KLF8: variants seen among roughly 807,000 people sequenced by gnomAD.
The protein encoded by KLF8 is KLF transcription factor 8.
A neutral mutation model predicts 18.2 loss-of-function variants in KLF8; 10 were observed. That is an observed-to-expected ratio of 0.55 (90% CI 0.34 to 0.93). The LOEUF (loss-of-function observed/expected upper bound fraction) is 0.93, where lower values mean the gene tolerates loss of function less well. Ranked by LOEUF, KLF8 falls within the 40% of genes least tolerant of loss-of-function variation. The pLI, the probability that KLF8 is intolerant of heterozygous loss-of-function variation, is 0.02. For synonymous variants in KLF8, 109 were observed against 97.3 expected (o/e 1.12, Z -0.71); for missense variants, 264 against 277.9 (o/e 0.95, Z 0.36).
At chrX:56,160,014 A>T in the KLF8 span, among the ~76,000 whole-genome samples, 2 of 111,452 alleles carry the variant, frequency 1.8e-5, no homozygotes, top group Non-Finnish European at 3.8e-5. Context: ...CTGCTTTCTA[A>T]TGTGGGCATT....
chrX:56,104,262 T>C, the KLF8 span, among the ~76,000 whole-genome samples: 1 of 111,798 alleles, frequency 8.9e-6, no homozygotes, highest in Non-Finnish European at 1.9e-5. Context: ...CTTTTTCTAT[T>C]GATTGGAATA....
At chrX:56,170,057 G>A in the KLF8 span, among the ~76,000 whole-genome samples, 1 of 110,718 alleles carries the variant, frequency 9.0e-6, no homozygotes, top group Non-Finnish European at 1.9e-5. Context: ...GTAATCAATA[G>A]AATTTTTCTG....
At chrX:56,238,946 G>A (rs1256532357) in intron 1 of KLF8, among the ~76,000 whole-genome samples, 1 of 111,662 alleles carries the variant, frequency 9.0e-6, no homozygotes, top group Non-Finnish European at 1.9e-5. Context: ...GTTTAGGTGG[G>A]ACCCTTGCCT....
the KLF8 span, among the ~76,000 whole-genome samples, chrX:56,185,752 G>A: frequency 3.6e-5 from 4 of 111,653 alleles, no homozygotes; most frequent in South Asian, 1.5e-3. Flanking sequence ...TTTCAACCCA[G>A]AATTTCATAT....
the KLF8 span, among the ~76,000 whole-genome samples, chrX:56,151,668 A>G: frequency 9.0e-6 from 1 of 111,122 alleles, no homozygotes; most frequent in East Asian, 2.8e-4. Context: ...TTCAATTTTG[A>G]ACCAGTTCAG....
the KLF8 span, among the ~76,000 whole-genome samples, chrX:56,189,375 T>C: frequency 9.0e-6 from 1 of 111,286 alleles, no homozygotes; most frequent in African/African-American, 3.3e-5. Flanking sequence ...AAACAACAGG[T>C]GCTGGAGAGG....
At chrX:56,140,797 TAAAAAAA>T in the KLF8 span, among the ~76,000 whole-genome samples, 3 of 43,912 alleles carry the variant, frequency 6.8e-5, no homozygotes, top group Admixed American at 6.1e-4. Context: ...GCCCCTCCAG[TAAAAAAA>T]AAAAAAAAAA....
At chrX:56,164,831 C>A in the KLF8 span, among the ~76,000 whole-genome samples, 3 of 88,288 alleles carry the variant, frequency 3.4e-5, no homozygotes, top group East Asian at 3.6e-4. Context: ...ATACATGTGC[C>A]ATGCTGGTGC....
At chrX:56,014,356 G>C in the KLF8 span, among the ~76,000 whole-genome samples, 1 of 112,338 alleles carries the variant, frequency 8.9e-6, no homozygotes, top group Non-Finnish European at 1.9e-5. Context: ...CATACATGTG[G>C]CCAACAAACA....
chrX:56,238,421 G>A (rs1319481372), intron 1 of KLF8, among the ~76,000 whole-genome samples: 1 of 109,960 alleles, frequency 9.1e-6, no homozygotes, highest in Admixed American at 9.6e-5. Context: ...GTTGCAGTGA[G>A]CCGAGATCAC....
chrX:55,962,371 G>T, the KLF8 span: 3 of 215,057 alleles, frequency 1.4e-5, no homozygotes, highest in South Asian at 2.0e-4. Flanking sequence ...TGGAGCAGCT[G>T]ACCAATGAGT....
At chrX:56,019,609 C>T in the KLF8 span, among the ~76,000 whole-genome samples, 6 of 111,755 alleles carry the variant, frequency 5.4e-5, no homozygotes, top group Non-Finnish European at 7.5e-5. Context: ...GAGTCAAAAG[C>T]AGAGGTGGGT....
the KLF8 span, among the ~76,000 whole-genome samples, chrX:56,166,890 A>G: frequency 0.014 from 1,578 of 111,431 alleles, 24 homozygotes; most frequent in African/African-American, 0.049. Flanking sequence ...GCTTTAAGAA[A>G]CAATGTCTAT....
the KLF8 span, among the ~76,000 whole-genome samples, chrX:55,998,096 C>T: frequency 8.9e-6 from 1 of 112,612 alleles, no homozygotes; most frequent in Non-Finnish European, 1.9e-5. Flanking sequence ...TATGCATAAA[C>T]ATAAACATCT....
chrX:56,190,718 A>G, the KLF8 span, among the ~76,000 whole-genome samples: 12 of 111,674 alleles, frequency 1.1e-4, no homozygotes, highest in Admixed American at 5.7e-4. Flanking sequence ...ATCCTCCTCA[A>G]TGACCAGTGA....
At chrX:56,091,477 A>G in the KLF8 span, among the ~76,000 whole-genome samples, 1 of 111,140 alleles carries the variant, frequency 9.0e-6, no homozygotes, top group South Asian at 3.9e-4. Flanking sequence ...ACATAAAAGT[A>G]TAGGTATCTT....
At chrX:55,959,936 C>T in the KLF8 span, among the ~76,000 whole-genome samples, 46 of 108,349 alleles carry the variant, frequency 4.2e-4, no homozygotes, top group Middle Eastern at 4.8e-3. Flanking sequence ...TCCTAAGACA[C>T]ATAGTCATCA....
At chrX:56,149,653 G>A in the KLF8 span, among the ~76,000 whole-genome samples, 1 of 111,569 alleles carries the variant, frequency 9.0e-6, no homozygotes, top group African/African-American at 3.3e-5. Context: ...GTGTTGAAAC[G>A]TGGGTGGTGT....
chrX:56,100,830 G>C, the KLF8 span, among the ~76,000 whole-genome samples: 1 of 111,879 alleles, frequency 8.9e-6, no homozygotes, highest in African/African-American at 3.2e-5. Flanking sequence ...AGCAAATAAA[G>C]TACTTTCATT....
Sources: allele counts gnomAD v4.1 joint callset (sites outside exome capture counted in the v4.1 genomes callset), GRCh38; gene constraint gnomAD v4.1.1; transcripts MANE v1.5; gene names NCBI Gene and HGNC (gene_info 2026-07-23, HGNC 2026-07-21).